The following ITGB2 variants were observed in gnomAD, a reference collection of about 807,000 sequenced individuals.
ITGB2 encodes integrin beta-2.
In ITGB2, 56 loss-of-function variants were observed where a neutral mutation model predicts 86.8. The observed-to-expected ratio is 0.65, with a 90% confidence interval of 0.52 to 0.81. ITGB2 has a LOEUF of 0.81. Ranked by LOEUF, ITGB2 falls within the 30% of genes least tolerant of loss-of-function variation. The pLI, the probability that ITGB2 is intolerant of heterozygous loss-of-function variation, is 0.00. For missense variants in ITGB2, 948 were observed against 1,061.2 expected, an observed-to-expected ratio of 0.89 and a Z score of 1.48; for synonymous variants, 457 against 450.4, an observed-to-expected ratio of 1.01 and a Z score of -0.19.
At chr21:44,918,023 A>G (rs1291001445) in intron 1 of ITGB2, among the ~76,000 whole-genome samples, 1 of 152,184 alleles carries the variant, frequency 6.6e-6, no homozygotes, top group Non-Finnish European at 1.5e-5. Context: ...TGTCAGTGCC[A>G]GTTTGTGCCA....
chr21:44,901,311 C>T lies in ITGB2; in HGVS notation c.741+181G>A, dbSNP rs35963032. ...ATTTTCGAGCCCTCGTGGTCACCCT[C>T]CCTTCCTCCTGCCCTTTCCTGCATG... is the stretch of plus-strand genomic sequence containing the variant. On this transcript the variant is annotated intron_variant, in intron 6 of 15. Coordinates refer to ENST00000652462, the MANE Select transcript of ITGB2 (RefSeq NM_000211.5). 0.13 allele frequency among the ~76,000 whole-genome samples: 19,628 copies of T among 152,304 alleles called. 1,609 individuals carry two copies. The highest frequency in any genetic ancestry group is 0.21 in the Admixed American group (3,223 of 15,304).
chr21:44,927,411 A>G (rs2084386751), intron 1 of ITGB2, among the ~76,000 whole-genome samples: 1 of 152,010 alleles, frequency 6.6e-6, no homozygotes, highest in Non-Finnish European at 1.5e-5. Context: ...GGAGATGTCC[A>G]AGTGGCAGAA....
chr21:44,895,800 C>A (rs2083855885), intron 8 of ITGB2, among the ~76,000 whole-genome samples: 1 of 149,832 alleles, frequency 6.7e-6, no homozygotes, highest in Admixed American at 6.7e-5. Flanking sequence ...CCATGGCACT[C>A]CAGCCTGGGC....
chr21:44,925,586 A>G (rs2084363239), upstream of ITGB2, among the ~76,000 whole-genome samples: 1 of 152,254 alleles, frequency 6.6e-6, no homozygotes, highest in Non-Finnish European at 1.5e-5. Context: ...TGCTAGCAAA[A>G]CAAAAAGATC....
intron 13 of ITGB2, 74 bp from the exon 14 acceptor site, chr21:44,888,969 G>T: frequency 4.2e-6 from 6 of 1,434,336 alleles, no homozygotes; most frequent in Non-Finnish European, 5.7e-6. Context: ...GGGCTTGGGT[G>T]TGTGTCCACC....
At chr21:44,923,281 T>C (rs2084332085), upstream of ITGB2, among the ~76,000 whole-genome samples, 1 of 152,124 alleles carries the variant, frequency 6.6e-6, no homozygotes, top group South Asian at 2.1e-4. Flanking sequence ...GATTAAGAGA[T>C]TTAATCTCTT....
chr21:44,897,387 C>T (rs1224809272), intron 8 of ITGB2, among the ~76,000 whole-genome samples: 1 of 152,184 alleles, frequency 6.6e-6, no homozygotes, highest in Non-Finnish European at 1.5e-5. Flanking sequence ...TGGGCAGAGC[C>T]CCAGGCAGGG....
intron 1 of ITGB2, among the ~76,000 whole-genome samples, chr21:44,917,311 A>G (rs56332357): frequency 0.11 from 16,818 of 152,078 alleles, 1,032 homozygotes; most frequent in Middle Eastern, 0.24. Context: ...ATTTATGGGG[A>G]AAAAAAGAGA....
chr21:44,912,195 C>T (rs1012846255), intron 1 of ITGB2, among the ~76,000 whole-genome samples: 25 of 152,194 alleles, frequency 1.6e-4, no homozygotes, highest in African/African-American at 6.0e-4. Flanking sequence ...GCTGGCAGGG[C>T]CACCCAAGGT....
chr21:44,899,405 C>T (rs998486278), intron 7 of ITGB2, among the ~76,000 whole-genome samples: 4 of 152,248 alleles, frequency 2.6e-5, no homozygotes, highest in Non-Finnish European at 5.9e-5. Flanking sequence ...AGGCGTCTCA[C>T]CGTGGGACTG....
intron 3 of ITGB2, among the ~76,000 whole-genome samples, chr21:44,909,072 T>C (rs55947803): frequency 0.21 from 32,354 of 152,198 alleles, 3,639 homozygotes; most frequent in South Asian, 0.35. Flanking sequence ...GGCACCAATC[T>C]GCAGCCATCG....
chr21:44,886,598 G>A (rs964526965), intron 15 of ITGB2, 138 bp downstream of exon 15: 106 of 1,433,166 alleles, frequency 7.4e-5, no homozygotes, highest in Non-Finnish European at 8.7e-5. Context: ...CCACAGCGGC[G>A]GACGCCCAGA....
At chr21:44,919,455 C>G (rs556485873) in intron 1 of ITGB2, among the ~76,000 whole-genome samples, 2 of 152,168 alleles carry the variant, frequency 1.3e-5, no homozygotes, top group African/African-American at 2.4e-5. Context: ...AAGTGCTGGC[C>G]CCCGGGGATT....
At chr21:44,908,585 G>A (rs1041180102) in intron 3 of ITGB2, among the ~76,000 whole-genome samples, 1 of 152,168 alleles carries the variant, frequency 6.6e-6, no homozygotes, top group Non-Finnish European at 1.5e-5. Context: ...CCTTAGAGTT[G>A]TAAGCCCTTA....
At chr21:44,891,308 G>T (rs1403111343) in intron 11 of ITGB2, among the ~76,000 whole-genome samples, 2 of 152,078 alleles carry the variant, frequency 1.3e-5, no homozygotes, top group South Asian at 2.1e-4. Flanking sequence ...TGGGGCCCAG[G>T]CTCCCAGAAG....
upstream of ITGB2, among the ~76,000 whole-genome samples, chr21:44,922,291 ATATC>A (rs2084316618): frequency 6.6e-6 from 1 of 152,144 alleles, no homozygotes; most frequent in Non-Finnish European, 1.5e-5. Context: ...TTGATAGAAA[ATATC>A]TAAGTATATA....
At position 44,901,519 on chromosome 21, in the gene ITGB2, G is replaced by A. The variant is rs752901414; in HGVS notation, c.714C>T (p.Asp238=). The change falls in exon 6 of 16, where the codon GAC becomes GAT. Residue 238 remains aspartate, a synonymous_variant. Transcript: ENST00000652462. ...GNLDAPEGGL[D]AMMQVAACPE... The stretch of plus-strand genomic sequence containing the variant: ...GGCAGGCGGCGACCTGCATCATGGC[G>A]TCCAGCCCACCCTCGGGTGCATCCA... The A allele has an allele frequency of 1.7e-4, 280 of 1,614,080 alleles. No individual in the cohort carries two copies. Among genetic ancestry groups the A allele is most frequent in the Non-Finnish European group, 2.0e-4 (237 of 1,180,040 alleles).
At chr21:44,908,082 TG>T in intron 3 of ITGB2, 1 of 718,686 alleles carries the variant, frequency 1.4e-6, no homozygotes, top group Non-Finnish European at 2.6e-6. Flanking sequence ...ACCTGGGGCC[TG>T]GCCACCCTGC....
At chr21:44,920,260 G>A (rs937340120) in intron 1 of ITGB2, among the ~76,000 whole-genome samples, 1 of 151,746 alleles carries the variant, frequency 6.6e-6, no homozygotes, top group African/African-American at 2.4e-5. Context: ...ACCACACTAC[G>A]CTATGCCACA....
Sources: allele counts gnomAD v4.1 joint callset (sites outside exome capture counted in the v4.1 genomes callset), GRCh38; gene constraint gnomAD v4.1.1; transcripts MANE v1.5; gene names NCBI Gene and HGNC (gene_info 2026-07-23, HGNC 2026-07-21).